Variants in PRKG1 observed in about 807,000 individuals in gnomAD.
PRKG1 encodes the protein protein kinase cGMP-dependent 1, also known as cGMP-dependent protein kinase 1.
A neutral mutation model predicts 88.1 loss-of-function variants in PRKG1; 35 were observed. The ratio of observed to expected loss-of-function variants is 0.40; its 90% confidence interval spans 0.30 to 0.53. The LOEUF (loss-of-function observed/expected upper bound fraction) is 0.53, where lower values mean the gene tolerates loss of function less well. Among genes scored for constraint, PRKG1 ranks in the 20% least tolerant of loss-of-function variants. The probability of loss-of-function intolerance (pLI) is 0.59; values close to 1 mark genes in which losing one functional copy is unlikely to be tolerated. For synonymous variants in PRKG1, 303 were observed against 292.5 expected (o/e 1.04, Z -0.37); for missense variants, 540 against 839.8 (o/e 0.64, Z 4.41).
At chr10:51,982,925 G>A (rs11000375) in intron 5 of PRKG1, among the ~76,000 whole-genome samples, 15,602 of 152,180 alleles carry the variant, frequency 0.1, 1,190 homozygotes, top group East Asian at 0.32. Context: ...ATGGCTCAAG[G>A]GGGAGGGCAG....
At chr10:52,127,321 A>T (rs1358337251) in intron 7 of PRKG1, among the ~76,000 whole-genome samples, 1 of 152,186 alleles carries the variant, frequency 6.6e-6, no homozygotes, top group African/African-American at 2.4e-5. Flanking sequence ...TTTGAATCGC[A>T]GGTTGCAATG....
intron 5 of PRKG1, among the ~76,000 whole-genome samples, chr10:51,911,911 G>T (rs58465854): frequency 2.6e-5 from 4 of 152,158 alleles, no homozygotes; most frequent in Non-Finnish European, 5.9e-5. Context: ...AGCTTTGTTC[G>T]TTTGACAAAT....
At chr10:51,164,341 T>C (rs914965938) in intron 2 of PRKG1, among the ~76,000 whole-genome samples, 1 of 152,214 alleles carries the variant, frequency 6.6e-6, no homozygotes, top group Admixed American at 6.5e-5. Flanking sequence ...GAGGGTCCTG[T>C]CTGTTAGAAG....
At chr10:51,817,355 C>T (rs1034355028) in intron 4 of PRKG1, among the ~76,000 whole-genome samples, 4 of 148,776 alleles carry the variant, frequency 2.7e-5, no homozygotes, top group East Asian at 2.0e-4. Flanking sequence ...CAACCCCCCC[C>T]CTCCCCTGAC....
rs1466077069 is a variant in PRKG1 at position 51,652,554 on chromosome 10, A to G, written c.593-152031A>G. On this transcript the variant is annotated intron_variant, in intron 3 of 17. Transcript: ENST00000373980. ...TAGCAAAGCACTTCTCATGTCATCGATCCCATTTCTTTATAAAATTTTTTG... is the reference window on the plus strand; with the variant it reads ...TAGCAAAGCACTTCTCATGTCATCGGTCCCATTTCTTTATAAAATTTTTTG... Among the ~76,000 whole-genome samples, 2 of 152,136 alleles carry G rather than the reference A, an allele frequency of 1.3e-5. 1 individual carries two copies. The highest frequency in any genetic ancestry group is 3.9e-4 in the East Asian group (2 of 5,194).
intron 4 of PRKG1, among the ~76,000 whole-genome samples, chr10:51,854,885 C>G (rs536537227): frequency 6.6e-6 from 1 of 152,016 alleles, no homozygotes; most frequent in Non-Finnish European, 1.5e-5. Context: ...GAAGGACTTG[C>G]GCCCACCAGC....
intron 3 of PRKG1, among the ~76,000 whole-genome samples, chr10:51,472,162 CTAAT>C (rs1000440272): frequency 1.3e-5 from 2 of 151,762 alleles, no homozygotes; most frequent in Non-Finnish European, 2.9e-5. Flanking sequence ...GGGAAGTTGA[CTAAT>C]TAAGATATTT....
intron 3 of PRKG1, among the ~76,000 whole-genome samples, chr10:51,740,684 T>C (rs1837410804): frequency 6.6e-6 from 1 of 152,166 alleles, no homozygotes; most frequent in Non-Finnish European, 1.5e-5. Flanking sequence ...TTTTACTCCA[T>C]GGACTCCTTT....
chr10:51,006,513 C>T (rs369921491), intron 1 of PRKG1, among the ~76,000 whole-genome samples: 43 of 152,282 alleles, frequency 2.8e-4, no homozygotes, highest in South Asian at 1.2e-3. Context: ...CAGGAATGGG[C>T]CCATGTGTAT....
At chr10:51,880,501 A>G (rs1052467882) in intron 4 of PRKG1, among the ~76,000 whole-genome samples, 18 of 152,180 alleles carry the variant, frequency 1.2e-4, no homozygotes, top group Non-Finnish European at 2.4e-4. Context: ...AAGAGTTACT[A>G]TCTTTCTGGT....
chr10:51,755,314 C>T (rs1038003833), intron 3 of PRKG1, among the ~76,000 whole-genome samples: 9 of 152,298 alleles, frequency 5.9e-5, no homozygotes, highest in Admixed American at 5.9e-4. Context: ...TGATGGCTTA[C>T]TAACTCTGCC....
At chr10:51,053,917 C>T (rs1843597284) in intron 1 of PRKG1, among the ~76,000 whole-genome samples, 1 of 151,848 alleles carries the variant, frequency 6.6e-6, no homozygotes, top group South Asian at 2.1e-4. Flanking sequence ...ATAAATGCTT[C>T]TCTAGTGTAC....
At chr10:52,213,724 A>G (rs1048598167) in intron 9 of PRKG1, among the ~76,000 whole-genome samples, 2 of 152,198 alleles carry the variant, frequency 1.3e-5, no homozygotes, top group African/African-American at 4.8e-5. Context: ...AGAGACTGGA[A>G]GAGAGGCAGT....
At chr10:52,138,691 G>A (rs1431072912) in intron 8 of PRKG1, among the ~76,000 whole-genome samples, 1 of 152,100 alleles carries the variant, frequency 6.6e-6, no homozygotes, top group African/African-American at 2.4e-5. Flanking sequence ...AACTAGCCCA[G>A]AGTAAATGCA....
intron 7 of PRKG1, 70 bp downstream of exon 7, chr10:52,062,701 T>C: frequency 8.5e-7 from 1 of 1,174,706 alleles, no homozygotes; most frequent in Non-Finnish European, 1.3e-6. Context: ...AATTTTGAGC[T>C]CCTAGCACAA....
At chr10:51,554,462 G>A (rs1014960463) in intron 3 of PRKG1, among the ~76,000 whole-genome samples, 14 of 148,574 alleles carry the variant, frequency 9.4e-5, no homozygotes, top group Non-Finnish European at 2.1e-4. Flanking sequence ...ATCACTAAGA[G>A]GTGTTGTTTT....
At chr10:51,894,946 A>G (rs560659718) in intron 4 of PRKG1, among the ~76,000 whole-genome samples, 4 of 152,310 alleles carry the variant, frequency 2.6e-5, no homozygotes, top group Admixed American at 6.5e-5. Context: ...AGTGTTGCCT[A>G]TCTGTTACAC....
chr10:51,032,144 G>A (rs192580580), intron 1 of PRKG1, among the ~76,000 whole-genome samples: 1 of 152,224 alleles, frequency 6.6e-6, no homozygotes. Flanking sequence ...AGCTGCCAGT[G>A]TCCTTGGAAC....
chr10:51,144,878 A>G (rs970932106), intron 1 of PRKG1, among the ~76,000 whole-genome samples: 9 of 152,150 alleles, frequency 5.9e-5, no homozygotes, highest in African/African-American at 1.9e-4. Context: ...ATCAGTCAAG[A>G]GAAAGTGTAC....
Sources: allele counts gnomAD v4.1 joint callset (sites outside exome capture counted in the v4.1 genomes callset), GRCh38; gene constraint gnomAD v4.1.1; transcripts MANE v1.5; gene names NCBI Gene and HGNC (gene_info 2026-07-23, HGNC 2026-07-21).